Variants in LNPK observed in about 807,000 individuals in gnomAD.
LNPK encodes lunapark, ER junction formation factor.
LNPK carries 29 observed loss-of-function variants against 55.2 expected under a neutral mutation model. The observed-to-expected ratio is 0.53, with a 90% CI of 0.39 to 0.72. The LOEUF is 0.72. Among genes scored for constraint, LNPK ranks in the 30% least tolerant of loss-of-function variants. The pLI is 0.00. For missense variants in LNPK, 467 were observed against 494.8 expected, an observed-to-expected ratio of 0.94 and a Z score of 0.53; for synonymous variants, 162 against 168.2, an observed-to-expected ratio of 0.96 and a Z score of 0.29.
intron 3 of LNPK, among the ~76,000 whole-genome samples, chr2:175,992,725 A>T (rs1166691233): frequency 6.6e-6 from 1 of 152,166 alleles, no homozygotes; most frequent in African/African-American, 2.4e-5. Context: ...TGTTGAGTCA[A>T]ATAAGTAATA....
intron 2 of LNPK, among the ~76,000 whole-genome samples, chr2:175,994,657 T>C (rs1429115965): frequency 6.6e-6 from 1 of 152,054 alleles, no homozygotes; most frequent in African/African-American, 2.4e-5. Flanking sequence ...GTAGCTGGGA[T>C]TGCAGGCGCC....
chr2:175,963,790 G>T (rs1686192853), intron 8 of LNPK, among the ~76,000 whole-genome samples: 1 of 151,490 alleles, frequency 6.6e-6, no homozygotes, highest in Non-Finnish European at 1.5e-5. Context: ...GCCAGTCTGG[G>T]GAATATTTTA....
chr2:175,995,523 G>C (rs1391686992), intron 2 of LNPK, 35 bp downstream of exon 2: 2 of 1,547,118 alleles, frequency 1.3e-6, no homozygotes, highest in East Asian at 4.6e-5. Flanking sequence ...TTTTATATTA[G>C]ACTCAAGAAC....
chr2:175,976,513 G>A (rs1686919817), intron 5 of LNPK, among the ~76,000 whole-genome samples: 3 of 152,192 alleles, frequency 2.0e-5, no homozygotes, highest in Admixed American at 1.3e-4. Flanking sequence ...GTGTCTGTGA[G>A]GTTGTTTTGG....
intron 1 of LNPK, among the ~76,000 whole-genome samples, chr2:176,001,768 G>C (rs1289889181): frequency 6.6e-6 from 1 of 152,140 alleles, no homozygotes; most frequent in African/African-American, 2.4e-5. Flanking sequence ...TGCTAGTTTG[G>C]GACCTTCTGA....
In LNPK at chr2:175,930,124, T is replaced by C. The variant is rs1684195731; in HGVS notation, c.1130A>G (p.Asn377Ser). The C allele has an allele frequency of 6.2e-7, 1 of 1,613,998 alleles. No homozygotes were observed. The highest frequency in any genetic ancestry group is 8.5e-7 in the Non-Finnish European group (1 of 1,179,900). ...GTCAGATGCTTTTTCAATCACTTGG[T>C]TTGTCTGTTCTGTAGCTGGTATTTT... is the stretch of plus-strand genomic sequence containing the variant. ...DDKIPATEQT[N>S]QVIEKASDSE... Residue 377 changes from asparagine (N) to serine (S), a missense_variant, in exon 13 of 13, where the codon AAC (asparagine) becomes AGC (serine). By Grantham distance (46) the Asn-to-Ser change is conservative. Coordinates refer to ENST00000272748, the MANE Select transcript of LNPK (RefSeq NM_030650.3).
intron 6 of LNPK, among the ~76,000 whole-genome samples, chr2:175,966,157 C>A (rs1686334662): frequency 6.6e-6 from 1 of 152,148 alleles, no homozygotes. Context: ...CTCCACCTCC[C>A]AGGTTCAAGC....
intron 4 of LNPK, among the ~76,000 whole-genome samples, chr2:175,980,086 C>T (rs1574882126): frequency 1.3e-5 from 2 of 152,152 alleles, no homozygotes; most frequent in Admixed American, 1.3e-4. Flanking sequence ...TTCTGATGAT[C>T]CCCTTAAATT....
At chr2:175,987,327 G>A (rs151081809) in intron 4 of LNPK, among the ~76,000 whole-genome samples, 4,051 of 152,200 alleles carry the variant, frequency 0.027, 187 homozygotes, top group African/African-American at 0.092. Flanking sequence ...TATACACCAC[G>A]GAATACTATG....
chr2:175,923,903 A>T lies in LNPK; in HGVS notation c.*6064T>A, dbSNP rs1683897443. 6.6e-6 allele frequency: 1 copy of T among 152,212 alleles called. No individual in the cohort carries two copies. The highest frequency in any genetic ancestry group is 1.5e-5 in the Non-Finnish European group (1 of 68,024). The allele number at this position is 152,212 out of a possible 1,614,324, so 9.4% of individuals were successfully genotyped here. A position where few individuals can be genotyped will look rare whatever the true frequency, so the allele number is the denominator to read the frequency against. The stretch of plus-strand genomic sequence containing the variant: ...TTAATAAGGTTTTCATTCTGTACTC[A>T]ATTTTTATTCTTGTTTGTATTCTAA... On this transcript the variant is annotated 3_prime_UTR_variant, in exon 13 of 13. Transcript: ENST00000272748.
At chr2:175,975,198 T>G (rs1686854684) in intron 5 of LNPK, among the ~76,000 whole-genome samples, 1 of 152,160 alleles carries the variant, frequency 6.6e-6, no homozygotes, top group African/African-American at 2.4e-5. Context: ...AACATCATAC[T>G]TAATGGTAAA....
chr2:175,992,864 T>C lies in LNPK; in HGVS notation c.69+318A>G, dbSNP rs145977222. On this transcript the variant is annotated intron_variant, in intron 3 of 12. Transcript: ENST00000272748. ...AATAATCATTTTTGATAATAGTATA[T>C]AAAAAGCTGTGAAAATTTTGTAGAC... 1.7e-3 allele frequency among the ~76,000 whole-genome samples: 255 copies of C among 152,268 alleles called. 2 individuals carry two copies. Among genetic ancestry groups the C allele is most frequent in the African/African-American group, 5.2e-3 (217 of 41,568 alleles).
chr2:175,972,210 C>CAGCCTA (rs1374119104), intron 5 of LNPK, among the ~76,000 whole-genome samples: 1 of 152,136 alleles, frequency 6.6e-6, no homozygotes, highest in Non-Finnish European at 1.5e-5. Flanking sequence ...CCACTGAGCC[C>CAGCCTA]AGCCTAAGAA....
intron 8 of LNPK, among the ~76,000 whole-genome samples, chr2:175,951,137 TC>T (rs954454840): frequency 1.1e-4 from 17 of 152,182 alleles, no homozygotes; most frequent in Admixed American, 2.6e-4. Context: ...GAAGGTTTTG[TC>T]TTTGTTCTAT....
chr2:175,988,102 C>A (rs1687512023), intron 4 of LNPK, among the ~76,000 whole-genome samples: 2 of 152,028 alleles, frequency 1.3e-5, no homozygotes, highest in Admixed American at 6.6e-5. Context: ...ATTTTGTTAC[C>A]TCTTTCACCC....
chr2:175,991,974 T>C (rs1319526398), intron 4 of LNPK, among the ~76,000 whole-genome samples: 1 of 152,136 alleles, frequency 6.6e-6, no homozygotes, highest in African/African-American at 2.4e-5. Flanking sequence ...GGTCATCTAC[T>C]AGAAAATCAT....
intron 9 of LNPK, among the ~76,000 whole-genome samples, chr2:175,946,254 T>C (rs1267608143): frequency 1.3e-5 from 2 of 152,148 alleles, no homozygotes; most frequent in East Asian, 1.9e-4. Flanking sequence ...ATATAATCCA[T>C]ACATTCGCAC....
chr2:175,936,023 T>C (rs1192956620), intron 12 of LNPK, among the ~76,000 whole-genome samples: 1 of 152,174 alleles, frequency 6.6e-6, no homozygotes, highest in East Asian at 1.9e-4. Context: ...GCATCTTCAG[T>C]ATGAAATCCT....
intron 8 of LNPK, among the ~76,000 whole-genome samples, chr2:175,959,261 ATTGT>A (rs1268322202): frequency 6.6e-6 from 1 of 152,216 alleles, no homozygotes; most frequent in African/African-American, 2.4e-5. Flanking sequence ...AAGACACGTA[ATTGT>A]CAGATTCACC....
Sources: allele counts gnomAD v4.1 joint callset (sites outside exome capture counted in the v4.1 genomes callset), GRCh38; gene constraint gnomAD v4.1.1; transcripts MANE v1.5; gene names NCBI Gene and HGNC (gene_info 2026-07-23, HGNC 2026-07-21).